ITPR1: variants seen among roughly 807,000 people sequenced by gnomAD.
The protein encoded by ITPR1 is inositol 1,4,5-trisphosphate-gated calcium channel ITPR1.
Under a neutral mutation model 318.4 loss-of-function variants are expected in ITPR1, and 96 were observed. The ratio of observed to expected loss-of-function variants is 0.30; its 90% CI spans 0.26 to 0.36. The LOEUF is 0.36. Among genes scored for constraint, ITPR1 ranks in the 10% least tolerant of loss-of-function variants. The pLI, the probability that ITPR1 is intolerant of heterozygous loss-of-function variation, is 1.00. For missense variants in ITPR1, 2,440 were observed against 3,460.2 expected (o/e 0.71, Z 7.40); for synonymous variants, 1,312 against 1,289.9 (o/e 1.02, Z -0.37).
chr3:4,742,124 G>T (rs1477452779), intron 44 of ITPR1, among the ~76,000 whole-genome samples: 1 of 152,152 alleles, frequency 6.6e-6, no homozygotes, highest in East Asian at 1.9e-4. Context: ...TGGCGTAAAG[G>T]TTAGGGACTC....
intron 4 of ITPR1, among the ~76,000 whole-genome samples, chr3:4,551,165 G>C (rs1034534196): frequency 3.9e-5 from 6 of 152,192 alleles, no homozygotes; most frequent in African/African-American, 1.2e-4. Flanking sequence ...AGGGCTTCAG[G>C]GAAGTGCCTT....
chr3:4,549,010 C>T (rs1312776849), intron 4 of ITPR1, among the ~76,000 whole-genome samples: 1 of 152,122 alleles, frequency 6.6e-6, no homozygotes, highest in Non-Finnish European at 1.5e-5. Flanking sequence ...ACTTGTTTTT[C>T]TTCTTGGTCA....
intron 41 of ITPR1, among the ~76,000 whole-genome samples, chr3:4,725,795 T>TC (rs1232763922): frequency 2.0e-5 from 3 of 152,084 alleles, no homozygotes; most frequent in Non-Finnish European, 2.9e-5. Context: ...AAACTGAGCA[T>TC]CCTCCAGGTG....
intron 4 of ITPR1, among the ~76,000 whole-genome samples, chr3:4,527,026 A>C (rs1428442265): frequency 6.6e-6 from 1 of 152,184 alleles, no homozygotes; most frequent in Non-Finnish European, 1.5e-5. Context: ...TCATGTCCTA[A>C]TCTTTCGCTG....
chr3:4,724,910 G>T (rs901963013), intron 40 of ITPR1, among the ~76,000 whole-genome samples: 1 of 152,182 alleles, frequency 6.6e-6, no homozygotes, highest in East Asian at 1.9e-4. Flanking sequence ...CAAGGGAAAC[G>T]CATGGGGTGG....
intron 20 of ITPR1, among the ~76,000 whole-genome samples, chr3:4,671,139 G>A (rs534928256): frequency 3.9e-5 from 6 of 152,314 alleles, no homozygotes; most frequent in Non-Finnish European, 7.3e-5. Context: ...AAGGATGAGT[G>A]CTTGCCTCAG....
chr3:4,733,307 T>C (rs1293284699), intron 43 of ITPR1, 87 bp downstream of exon 43: 3 of 1,466,630 alleles, frequency 2.0e-6, no homozygotes, highest in Admixed American at 1.9e-5. Flanking sequence ...GTTGAAATGC[T>C]CACAACAGAT....
chr3:4,839,874 C>T (rs184371096), intron 61 of ITPR1, among the ~76,000 whole-genome samples: 16 of 152,184 alleles, frequency 1.1e-4, no homozygotes, highest in African/African-American at 3.6e-4. Flanking sequence ...AGCCCTTCCC[C>T]TGTGAATGAA....
intron 4 of ITPR1, among the ~76,000 whole-genome samples, chr3:4,523,519 A>C (rs1267170745): frequency 5.3e-5 from 8 of 152,144 alleles, no homozygotes. Flanking sequence ...TGTGTTGTAC[A>C]GTAGATCTCT....
chr3:4,817,260 T>TGA (rs905841209), intron 59 of ITPR1, among the ~76,000 whole-genome samples: 5 of 152,338 alleles, frequency 3.3e-5, no homozygotes, highest in African/African-American at 1.2e-4. Context: ...AGCCAAGATC[T>TGA]GGGGACTGAG....
chr3:4,651,988 G>T (rs1246709253), intron 10 of ITPR1, 135 bp from the exon 11 acceptor site: 2 of 707,500 alleles, frequency 2.8e-6, no homozygotes, highest in African/African-American at 1.8e-5. Flanking sequence ...ACTGGCAATG[G>T]GTTTGTTGAA....
rs778369615 is a variant in ITPR1 at position 4,667,592 on chromosome 3, G to A, written c.1886+43G>A. ...TCCATGCAGGATGGTGTCTCTGCCT[G>A]TAAGATGCAGGGACTTAGCTGGTGC... On this transcript the variant is annotated intron_variant, in intron 18 of 61. Coordinates refer to ENST00000649015, the MANE Select transcript of ITPR1 (RefSeq NM_001378452.1). 2.2e-5 allele frequency: 34 copies of A among 1,554,374 alleles called. No individual in the cohort carries two copies. The South Asian group carries it at 3.9e-4, about 18-fold the overall frequency.
chr3:4,607,587 A>C (rs1250925115), intron 4 of ITPR1, among the ~76,000 whole-genome samples: 1 of 152,124 alleles, frequency 6.6e-6, no homozygotes, highest in Non-Finnish European at 1.5e-5. Flanking sequence ...TTATTGCTCA[A>C]ATCAGCCTCC....
intron 41 of ITPR1, among the ~76,000 whole-genome samples, chr3:4,725,831 T>C (rs370737800): frequency 3.3e-5 from 5 of 152,318 alleles, no homozygotes; most frequent in African/African-American, 1.2e-4. Context: ...TTGAAAGTTC[T>C]CACTCAGAAC....
At chr3:4,593,394 C>G (rs1022947120) in intron 4 of ITPR1, among the ~76,000 whole-genome samples, 1 of 152,184 alleles carries the variant, frequency 6.6e-6, no homozygotes, top group Non-Finnish European at 1.5e-5. Context: ...CTTCTATTTT[C>G]AAGAGGAAAT....
At position 4,733,224 on chromosome 3, in the gene ITPR1, C is replaced by T. The variant is rs60849754; in HGVS notation, c.5353+4C>T. 2,904 of 1,613,786 alleles carry T rather than the reference C, an allele frequency of 1.8e-3. 54 individuals are homozygous for T. In the African/African-American group the frequency reaches 0.032, roughly 18 times the overall value. ...CCCGGCAAGCCCGGGGGAGGAGGTA[C>T]GCTTTGTGGTGTAATTACCTTCGTG... On this transcript the variant is annotated splice_donor_region_variant and intron_variant, in intron 43 of 61. Transcript: ENST00000649015.
chr3:4,710,542 CGAA>C lies in ITPR1; in HGVS notation c.4991+74_4991+76del, dbSNP rs2041278252. On this transcript the variant is annotated intron_variant, in intron 38 of 61. Coordinates refer to ENST00000649015, the MANE Select transcript of ITPR1 (RefSeq NM_001378452.1). The surrounding 1 kb of genome is among the most constrained non-coding windows in gnomAD (Gnocchi z 4.2). ...GATGACCTCACAAAGCTTTTGTTCC[CGAA>C]GAAGGAGACGTTGTCCTGTTTTTTA... 4.1e-6 allele frequency: 6 copies of C among 1,457,368 alleles called. No individual in the cohort carries two copies. Among genetic ancestry groups the C allele is most frequent in the East Asian group, 2.5e-5 (1 of 39,928 alleles). 90.3% of individuals were successfully genotyped at this position (1,457,368 alleles called of 1,614,324 possible). A position where few individuals can be genotyped will look rare whatever the true frequency, so the allele number is the denominator to read the frequency against.
chr3:4,837,581 C>A (rs762851937), intron 61 of ITPR1, among the ~76,000 whole-genome samples: 2 of 151,946 alleles, frequency 1.3e-5, no homozygotes, highest in African/African-American at 2.4e-5. Flanking sequence ...TCGCCCTTAT[C>A]TTATGGATAG....
chr3:4,595,986 T>C (rs2090778571), intron 4 of ITPR1: 1 of 152,280 alleles, frequency 6.6e-6, no homozygotes, highest in South Asian at 2.1e-4. Flanking sequence ...ACTCAACTGA[T>C]GAAGGTGATA....
Sources: gnomAD v4.1 joint callset for allele counts (sites outside exome capture counted in the v4.1 genomes callset) on GRCh38, gnomAD v4.1.1 for gene constraint, Gnocchi (gnomAD v3.1) non-coding constraint, MANE v1.5 for transcripts, NCBI Gene and HGNC (gene_info 2026-07-23, HGNC 2026-07-21) for gene names.